The following DPH6 variants were observed in gnomAD, a reference collection of about 807,000 sequenced individuals.
The protein encoded by DPH6 is diphthine--ammonia ligase.
A neutral mutation model predicts 38.2 loss-of-function variants in DPH6; 33 were observed. The ratio of observed to expected loss-of-function variants is 0.86; its 90% CI spans 0.65 to 1.15. The LOEUF (loss-of-function observed/expected upper bound fraction) is 1.15. Ranked by LOEUF, DPH6 falls within the 50% of genes most tolerant of loss-of-function variation. The pLI is 0.00. For synonymous variants in DPH6, 108 were observed against 103.0 expected, an observed-to-expected ratio of 1.05 and a Z score of -0.30; for missense variants, 325 against 320.0, an observed-to-expected ratio of 1.02 and a Z score of -0.12.
chr15:35,437,308 T>G (rs2053729610), intron 5 of DPH6, among the ~76,000 whole-genome samples: 1 of 152,138 alleles, frequency 6.6e-6, no homozygotes, highest in South Asian at 2.1e-4. Flanking sequence ...AAAAATGTCT[T>G]CTTTTTCCTT....
intron 5 of DPH6, among the ~76,000 whole-genome samples, chr15:35,415,090 G>A (rs892439063): frequency 3.3e-5 from 5 of 151,802 alleles, no homozygotes; most frequent in Admixed American, 3.3e-4. Flanking sequence ...CTAGCTAACA[G>A]AGATGTTTAC....
intron 3 of DPH6, among the ~76,000 whole-genome samples, chr15:35,282,099 A>G (rs2051902988): frequency 1.3e-5 from 2 of 152,180 alleles, no homozygotes; most frequent in Admixed American, 1.3e-4. Context: ...CTCTTTTTAT[A>G]TAAAACTAAT....
chr15:35,295,912 CTATTT>C (rs200342844), intron 3 of DPH6, among the ~76,000 whole-genome samples: 12 of 151,228 alleles, frequency 7.9e-5, no homozygotes, highest in Admixed American at 1.3e-4. Flanking sequence ...CTTACTATGT[CTATTT>C]TATTTTATTT....
At chr15:35,329,442 T>G (rs1010932987), downstream of DPH6, among the ~76,000 whole-genome samples, 1 of 152,222 alleles carries the variant, frequency 6.6e-6, no homozygotes, top group African/African-American at 2.4e-5. Context: ...AGCTTAGTTG[T>G]GAAATTCTAA....
chr15:35,417,228 G>A (rs2053447536), intron 5 of DPH6, among the ~76,000 whole-genome samples: 1 of 151,866 alleles, frequency 6.6e-6, no homozygotes, highest in Non-Finnish European at 1.5e-5. Flanking sequence ...TCCCTAAATG[G>A]AATAAGGTAA....
chr15:35,500,565 T>C lies in DPH6; in HGVS notation c.312+37709A>G, dbSNP rs180798524. ...ACAAGCAGTATGGGTTATTTTACCA[T>C]ATACTTGTTGACATGAAAGCTAAAC... On this transcript the variant is annotated intron_variant, in intron 3 of 8. Coordinates refer to ENST00000256538, the MANE Select transcript of DPH6 (RefSeq NM_080650.4). Among the ~76,000 whole-genome samples the C allele has an allele frequency of 5.9e-5, 9 of 152,340 alleles. No individual in the cohort carries two copies. In the East Asian group the frequency reaches 1.5e-3, roughly 26 times the overall value.
intron 3 of DPH6, among the ~76,000 whole-genome samples, chr15:35,468,914 G>T (rs1254143458): frequency 6.6e-6 from 1 of 152,000 alleles, no homozygotes; most frequent in African/African-American, 2.4e-5. Context: ...CTAAAAGTAC[G>T]AAAATTAGCT....
intron 6 of DPH6, among the ~76,000 whole-genome samples, chr15:35,391,604 A>G (rs144614626): frequency 0.016 from 2,484 of 152,312 alleles, 27 homozygotes; most frequent in Middle Eastern, 0.037. Flanking sequence ...CTGTGCTAGC[A>G]GTAAGCGAGG....
rs796537253 is a variant in DPH6 at position 35,443,931 on chromosome 15, T to C, written c.505+6754A>G. 5.9e-5 allele frequency among the ~76,000 whole-genome samples: 9 copies of C among 152,268 alleles called. 1 individual carries two copies. The highest frequency in any genetic ancestry group is 2.2e-4 in the African/African-American group (9 of 41,574). On this transcript the variant is annotated intron_variant, in intron 5 of 8. Transcript: ENST00000256538. ...GCTTGTCAAATCAGACTCAAACAAA[T>C]TGGACACCTTACCCAGTTTCAACCT...
In DPH6 at chr15:35,425,929, G is replaced by T. The variant is rs181260255; in HGVS notation, c.506-15033C>A. 7.7e-3 allele frequency among the ~76,000 whole-genome samples: 1,157 copies of T among 150,940 alleles called. 7 individuals are homozygous for T. Among genetic ancestry groups the T allele is most frequent in the Non-Finnish European group, 0.013 (903 of 67,352 alleles). Reference sequence around the variant, plus strand: ...GCCTGCCTTACCCAGTGAAGAAAATGATATGCTAGCAATAAAATAAGCAAA... The same window carrying T: ...GCCTGCCTTACCCAGTGAAGAAAATTATATGCTAGCAATAAAATAAGCAAA... On this transcript the variant is annotated intron_variant, in intron 5 of 8. Transcript: ENST00000256538.
chr15:35,369,720 TCCAA>T (rs2052694023), downstream of DPH6, among the ~76,000 whole-genome samples: 1 of 151,318 alleles, frequency 6.6e-6, no homozygotes, highest in African/African-American at 2.4e-5. Context: ...TAAACAAAAT[TCCAA>T]TGAATGAAAT....
the DPH6 span, among the ~76,000 whole-genome samples, chr15:35,147,169 A>G: frequency 6.6e-6 from 1 of 152,166 alleles, no homozygotes; most frequent in East Asian, 1.9e-4. Context: ...AATCCTATGA[A>G]TAGGTACAGT....
intron 3 of DPH6, among the ~76,000 whole-genome samples, chr15:35,268,296 A>T (rs2140424598): frequency 6.6e-6 from 1 of 152,138 alleles, no homozygotes; most frequent in Admixed American, 6.5e-5. Flanking sequence ...AGCAAGAAGT[A>T]GGAAGGTGGA....
At chr15:35,527,868 T>C (rs934291648) in intron 3 of DPH6, among the ~76,000 whole-genome samples, 1 of 151,830 alleles carries the variant, frequency 6.6e-6, no homozygotes, top group Non-Finnish European at 1.5e-5. Flanking sequence ...GAAAGAGAAA[T>C]GTGATTAAAT....
At chr15:35,499,642 G>A (rs118063272) in intron 3 of DPH6, among the ~76,000 whole-genome samples, 76 of 152,284 alleles carry the variant, frequency 5.0e-4, no homozygotes, top group Non-Finnish European at 9.7e-4. Flanking sequence ...AATGTCAACA[G>A]CATGCTTGTT....
Position 35,462,972 on chromosome 15 carries a change from T to C in DPH6, c.313-8152A>G, listed in dbSNP as rs549730496. Among the ~76,000 whole-genome samples the C allele has an allele frequency of 3.9e-5, 6 of 152,288 alleles. No homozygotes were observed. In the South Asian group the frequency reaches 1.0e-3, roughly 26 times the overall value. ...GTAATATACATAACAAAGGGTATCT[T>C]TGTCTTTCAAATCAATATGGGATGA... On this transcript the variant is annotated intron_variant, in intron 3 of 8. Coordinates refer to ENST00000256538, the MANE Select transcript of DPH6 (RefSeq NM_080650.4).
At chr15:35,446,426 C>T (rs1203539707) in intron 5 of DPH6, among the ~76,000 whole-genome samples, 3 of 150,818 alleles carry the variant, frequency 2.0e-5, no homozygotes, top group Admixed American at 6.6e-5. Flanking sequence ...GCATAGGTCT[C>T]CCTATGTTGC....
intron 3 of DPH6, among the ~76,000 whole-genome samples, chr15:35,285,669 T>G (rs1438508689): frequency 6.6e-6 from 1 of 152,110 alleles, no homozygotes; most frequent in Admixed American, 6.5e-5. Flanking sequence ...ATTAAAATTT[T>G]CAATGAAAAT....
At chr15:35,481,065 T>A (rs752412181) in intron 3 of DPH6, among the ~76,000 whole-genome samples, 11 of 152,180 alleles carry the variant, frequency 7.2e-5, no homozygotes, top group African/African-American at 2.7e-4. Flanking sequence ...AAATGCTCTA[T>A]CTGTGTTATG....
Sources: allele counts gnomAD v4.1 joint callset (sites outside exome capture counted in the v4.1 genomes callset), GRCh38; gene constraint gnomAD v4.1.1; transcripts MANE v1.5; gene names NCBI Gene and HGNC (gene_info 2026-07-23, HGNC 2026-07-21).